SARS1: variants seen among roughly 807,000 people sequenced by gnomAD.
SARS1 encodes the protein serine--tRNA ligase, cytoplasmic.
Under a neutral mutation model 63.7 loss-of-function variants are expected in SARS1, and 25 were observed. The observed-to-expected ratio is 0.39, with a 90% CI of 0.29 to 0.55. The LOEUF (loss-of-function observed/expected upper bound fraction) is 0.55, where lower values mean the gene tolerates loss of function less well. Among genes scored for constraint, SARS1 ranks in the 20% least tolerant of loss-of-function variants. The pLI, the probability that SARS1 is intolerant of heterozygous loss-of-function variation, is 0.62. For missense variants in SARS1, 417 were observed against 649.7 expected (o/e 0.64, Z 3.89); for synonymous variants, 231 against 243.5 (o/e 0.95, Z 0.48).
At position 109,235,896 on chromosome 1, in the gene SARS1, T is replaced by C; in HGVS notation, c.970-81T>C. Reference sequence around the variant, plus strand: ...CCTCCCAGTGGTGTGGAAACAGGTCTTCATGGCAAGGATGTCTCCCACTTC... The same window carrying C: ...CCTCCCAGTGGTGTGGAAACAGGTCCTCATGGCAAGGATGTCTCCCACTTC... On this transcript the variant is annotated intron_variant, in intron 7 of 10. Coordinates refer to ENST00000234677, the MANE Select transcript of SARS1 (RefSeq NM_006513.4). The surrounding 1 kb of genome is among the most constrained non-coding windows in gnomAD (Gnocchi z 4.7). 1 of 1,397,000 alleles carries C rather than the reference T, an allele frequency of 7.2e-7. No individual in the cohort carries two copies. The highest frequency in any genetic ancestry group is 1.4e-5 in the South Asian group (1 of 72,120). The allele number at this position is 1,397,000 out of a possible 1,614,324, so 86.5% of individuals were successfully genotyped here.
intron 6 of SARS1, among the ~76,000 whole-genome samples, chr1:109,233,727 C>A (rs923055734): frequency 6.6e-6 from 1 of 151,948 alleles, no homozygotes; most frequent in African/African-American, 2.4e-5. Context: ...GACAGAGTCT[C>A]ACTCTGTTAC....
Position 109,214,503 on chromosome 1 carries a change from C to A in SARS1, c.136+375C>A. ...ATCTTTGGTCCCCCCCAGTCTTTTT[C>A]TCATCTTCAGCAAGGCCAGAGTGGT... On this transcript the variant is annotated intron_variant, in intron 1 of 10. Transcript: ENST00000234677. The surrounding 1 kb of genome is among the most constrained non-coding windows in gnomAD (Gnocchi z 4.6). 3.0e-6 allele frequency: 3 copies of A among 1,016,522 alleles called. No homozygotes were observed. Among genetic ancestry groups the A allele is most frequent in the Non-Finnish European group, 3.5e-6 (3 of 846,028 alleles). The allele number at this position is 1,016,522 out of a possible 1,614,324, so 63.0% of individuals were successfully genotyped here. A position where few individuals can be genotyped will look rare whatever the true frequency, so the allele number is the denominator to read the frequency against.
intron 1 of SARS1, chr1:109,216,199 T>C (rs1324004403): frequency 1.0e-6 from 1 of 985,322 alleles, no homozygotes; most frequent in Non-Finnish European, 1.2e-6. Flanking sequence ...CTTCTCTCAT[T>C]GCCTTGAGCA....
Position 109,238,043 on chromosome 1 carries a change from TC to T in SARS1, c.*157del. 1 of 770,072 alleles carries T rather than the reference TC, an allele frequency of 1.3e-6. No individual in the cohort carries two copies. Among genetic ancestry groups the T allele is most frequent in the Non-Finnish European group, 2.1e-6 (1 of 475,734 alleles). 47.7% of individuals were successfully genotyped at this position (770,072 alleles called of 1,614,324 possible). On this transcript the variant is annotated 3_prime_UTR_variant, in exon 11 of 11. Transcript: ENST00000234677. ...ACAGTGCCATGTACCACACAGATGTTCCTGTCTCCTCGCATGGGCATAGGGA... is the reference window on the plus strand; with the variant it reads ...ACAGTGCCATGTACCACACAGATGTTCTGTCTCCTCGCATGGGCATAGGGA...
At chr1:109,223,835 T>G in intron 1 of SARS1, 143 bp from the exon 2 acceptor site, 1 of 667,284 alleles carries the variant, frequency 1.5e-6, no homozygotes, top group South Asian at 1.8e-5. Context: ...TGTAAGATTT[T>G]ATAACTTCAT....
chr1:109,234,342 A>G (rs1655267017), intron 6 of SARS1, among the ~76,000 whole-genome samples: 1 of 152,068 alleles, frequency 6.6e-6, no homozygotes, highest in African/African-American at 2.4e-5. Context: ...ATGTATCATT[A>G]TATCAAAAGT....
intron 1 of SARS1, among the ~76,000 whole-genome samples, chr1:109,222,906 C>G (rs1440482627): frequency 3.3e-5 from 5 of 152,048 alleles, no homozygotes; most frequent in Non-Finnish European, 7.4e-5. Flanking sequence ...TCCTAGCTGC[C>G]TGGGAGGCTG....
chr1:109,213,982 G>A lies in SARS1; in HGVS notation c.-11G>A, dbSNP rs745489166. Reference sequence around the variant, plus strand: ...CTTGCTTCCCTGAGCGTTGGCCCGGGAGGAAAGAAGATGGTGCTGGATCTG... The same window carrying A: ...CTTGCTTCCCTGAGCGTTGGCCCGGAAGGAAAGAAGATGGTGCTGGATCTG... On this transcript the variant is annotated 5_prime_UTR_variant, in exon 1 of 11. Transcript: ENST00000234677. 7.5e-6 allele frequency: 12 copies of A among 1,606,602 alleles called. No individual in the cohort carries two copies. The Admixed American group carries it at 8.4e-5, about 11-fold the overall frequency.
At chr1:109,223,890 A>T (rs2101191052) in intron 1 of SARS1, 88 bp from the exon 2 acceptor site, 1 of 970,018 alleles carries the variant, frequency 1.0e-6, no homozygotes, top group East Asian at 2.4e-5. Context: ...CTTAACCTGA[A>T]ATCAGTACTA....
chr1:109,237,594 G>T lies in SARS1; in HGVS notation c.1388-137G>T. On this transcript the variant is annotated intron_variant, in intron 10 of 10. Coordinates refer to ENST00000234677, the MANE Select transcript of SARS1 (RefSeq NM_006513.4). The surrounding 1 kb of genome is among the most constrained non-coding windows in gnomAD (Gnocchi z 4.1). Reference sequence around the variant, plus strand: ...CTAAAATTCAGACTAGGGAAGAAAAGAATAAAGGAAACCAGTGCCTATCAA... The same window carrying T: ...CTAAAATTCAGACTAGGGAAGAAAATAATAAAGGAAACCAGTGCCTATCAA... 2 of 1,143,770 alleles carry T rather than the reference G, an allele frequency of 1.7e-6. No individual in the cohort carries two copies. 70.9% of individuals were successfully genotyped at this position (1,143,770 alleles called of 1,614,324 possible).
rs1187701966 is a variant in SARS1, at chr1:109,215,689, C to G, written c.136+1561C>G. On this transcript the variant is annotated intron_variant, in intron 1 of 10. Transcript: ENST00000234677. ...AAAAACTTAATCCTAAATGTGAAGT[C>G]ATTTCTTTTCTTTGTTTTGTTTTGT... 4.3e-6 allele frequency: 4 copies of G among 936,214 alleles called. No individual in the cohort carries two copies. In the African/African-American group the frequency reaches 7.1e-5, roughly 17 times the overall value. 58.0% of individuals were successfully genotyped at this position (936,214 alleles called of 1,614,324 possible).
At chr1:109,217,561 A>AATT (rs1284589823) in intron 1 of SARS1, among the ~76,000 whole-genome samples, 3 of 149,156 alleles carry the variant, frequency 2.0e-5, no homozygotes, top group Admixed American at 6.7e-5. Flanking sequence ...ATATATATAT[A>AATT]ATTATTATTA....
At chr1:109,236,598 G>T in intron 9 of SARS1, 50 bp downstream of exon 9, 3 of 1,576,162 alleles carry the variant, frequency 1.9e-6, no homozygotes, top group Non-Finnish European at 2.6e-6. Context: ...TACACGGCCC[G>T]TCCGAATTAT....
At chr1:109,218,327 A>ATTG (rs1654841368) in intron 1 of SARS1, among the ~76,000 whole-genome samples, 1 of 147,994 alleles carries the variant, frequency 6.8e-6, no homozygotes, top group Non-Finnish European at 1.5e-5. Context: ...AGATCGTGCC[A>ATTG]TTGCACTCCA....
Position 109,229,508 on chromosome 1 carries a change from G to C in SARS1, c.383G>C (p.Arg128Pro). ...GAGCGGATAAAGTTGGAAGCAGAGC[G>C]GTTTGAGAACCTCCGAGAGATTGGG... ...DAERIKLEAE[R>P]FENLREIGNL... The change falls in exon 4 of 11, where the codon CGG (arginine) becomes CCG (proline). Residue 128 changes from arginine (R) to proline (P), a missense_variant. Physicochemically the swap from Arg to Pro is moderately radical, Grantham distance 103. Around this residue, in one of 3 missense-constraint regions of SARS1, gnomAD observed 359 missense variants for 529.6 expected, o/e 0.68. Coordinates refer to ENST00000234677, the MANE Select transcript of SARS1 (RefSeq NM_006513.4). 6 of 1,614,214 alleles carry C rather than the reference G, an allele frequency of 3.7e-6. No individual in the cohort carries two copies. The highest frequency in any genetic ancestry group is 5.1e-6 in the Non-Finnish European group (6 of 1,180,032).
chr1:109,235,897 T>C lies in SARS1; in HGVS notation c.970-80T>C, dbSNP rs1016765812. 7.2e-6 allele frequency: 10 copies of C among 1,398,580 alleles called. No individual in the cohort carries two copies. Among genetic ancestry groups the C allele is most frequent in the Non-Finnish European group, 9.7e-6 (10 of 1,032,452 alleles). 86.6% of individuals were successfully genotyped at this position (1,398,580 alleles called of 1,614,324 possible). A position where few individuals can be genotyped will look rare whatever the true frequency, so the allele number is the denominator to read the frequency against. ...CTCCCAGTGGTGTGGAAACAGGTCT[T>C]CATGGCAAGGATGTCTCCCACTTCA... On this transcript the variant is annotated intron_variant, in intron 7 of 10. Transcript: ENST00000234677. The surrounding 1 kb of genome is among the most constrained non-coding windows in gnomAD (Gnocchi z 4.7).
chr1:109,219,191 A>G (rs908458272), intron 1 of SARS1, among the ~76,000 whole-genome samples: 5 of 144,168 alleles, frequency 3.5e-5, no homozygotes, highest in Admixed American at 2.1e-4. Flanking sequence ...GCATGAACCC[A>G]GGAGGCGGAG....
chr1:109,227,393 A>G (rs1557717237), intron 2 of SARS1, among the ~76,000 whole-genome samples: 2 of 152,230 alleles, frequency 1.3e-5, no homozygotes, highest in African/African-American at 4.8e-5. Context: ...CAGAATTATC[A>G]TACGGAAGGA....
chr1:109,230,857 T>G, intron 4 of SARS1, 21 bp from the exon 5 acceptor site: 1 of 1,586,824 alleles, frequency 6.3e-7, no homozygotes, highest in South Asian at 1.1e-5. Context: ...TGTATGTCTC[T>G]TTCTTGCTCT....
Sources: allele counts gnomAD v4.1 joint callset (sites outside exome capture counted in the v4.1 genomes callset), GRCh38; gene constraint gnomAD v4.1.1; regional missense constraint gnomAD v4.1.1; non-coding constraint Gnocchi (gnomAD v3.1); transcripts MANE v1.5; gene names NCBI Gene and HGNC (gene_info 2026-07-23, HGNC 2026-07-21).